The following EXOSC9 variants were observed in gnomAD, a reference collection of about 807,000 sequenced individuals.
EXOSC9 encodes exosome complex component RRP45.
In EXOSC9, 38 loss-of-function variants were observed where a neutral mutation model predicts 56.5. That is an observed-to-expected ratio of 0.67 (90% CI 0.52 to 0.88). EXOSC9 has a LOEUF of 0.88. Ranked by LOEUF, EXOSC9 falls within the 40% of genes least tolerant of loss-of-function variation. The pLI is 0.00. For synonymous variants in EXOSC9, 170 were observed against 170.8 expected (o/e 0.99, Z 0.04); for missense variants, 559 against 530.5 (o/e 1.05, Z -0.53).
chr4:121,812,478 A>G (rs1727239613), intron 8 of EXOSC9, among the ~76,000 whole-genome samples: 1 of 152,162 alleles, frequency 6.6e-6, no homozygotes, highest in African/African-American at 2.4e-5. Context: ...TTGAAAAATC[A>G]TATAAGATTT....
intron 6 of EXOSC9, 66 bp from the exon 7 acceptor site, chr4:121,809,901 C>A: frequency 6.3e-7 from 1 of 1,585,990 alleles, no homozygotes; most frequent in East Asian, 2.2e-5. Flanking sequence ...TTTAAAAATT[C>A]ATTACCCAAG....
At chr4:121,805,294 T>G (rs1217176912) in intron 5 of EXOSC9, among the ~76,000 whole-genome samples, 1 of 152,244 alleles carries the variant, frequency 6.6e-6, no homozygotes, top group African/African-American at 2.4e-5. Flanking sequence ...CTTCTAACTT[T>G]GAGTTCTTAG....
Position 121,802,945 on chromosome 4 carries a change from A to G in EXOSC9, c.312A>G (p.Arg104=). Residue 104 remains arginine, a synonymous_variant, in exon 4 of 12, where the codon CGA becomes CGG. Coordinates refer to ENST00000243498, the MANE Select transcript of EXOSC9 (RefSeq NM_005033.3). ...RQSDLLVKLN[R]LMERCLRNSK... is the part of the protein sequence containing the mutation. ...CAGATCTCTTGGTGAAGTTGAATCGACTCATGGAAAGATGTCTAAGAAATT... is the reference window on the plus strand; with the variant it reads ...CAGATCTCTTGGTGAAGTTGAATCGGCTCATGGAAAGATGTCTAAGAAATT... The G allele has an allele frequency of 6.2e-7, 1 of 1,613,932 alleles. No homozygotes were observed. Among genetic ancestry groups the G allele is most frequent in the Non-Finnish European group, 8.5e-7 (1 of 1,179,936 alleles).
At position 121,802,705 on chromosome 4, in the gene EXOSC9, T is replaced by C. The variant is rs541223974; in HGVS notation, c.193T>C (p.Ser65Pro). The part of the protein sequence containing the change: ...VLGQVSCELV[S>P]PKLNRATEGI... Reference sequence around the variant, plus strand: ...TGGACAGGTTTCCTGTGAACTTGTGTCTCCAAAACTCAATCGGGCAACAGA... The same window carrying C: ...TGGACAGGTTTCCTGTGAACTTGTGCCTCCAAAACTCAATCGGGCAACAGA... Residue 65 changes from serine (S) to proline (P), a missense_variant, in exon 3 of 12, where the codon TCT becomes CCT. Transcript: ENST00000243498. 1.9e-6 allele frequency: 3 copies of C among 1,614,086 alleles called. No individual in the cohort carries two copies. In the South Asian group the frequency reaches 3.3e-5, roughly 18 times the overall value.
Position 121,810,023 on chromosome 4 carries a change from T to C in EXOSC9, c.662T>C (p.Leu221Pro). ...GAAGAACGTGTGATGGATGGCTTGC[T>C]GGTGATTGCCATGAACAAACATCGA... Reference protein sequence around the residue: ...EREERVMDGLLVIAMNKHREI... With the variant: ...EREERVMDGLPVIAMNKHREI... Residue 221 changes from leucine to proline, a missense_variant, in exon 7 of 12, where the codon CTG becomes CCG. By Grantham distance (98) the Leu-to-Pro change is moderately conservative. Coordinates refer to ENST00000243498, the MANE Select transcript of EXOSC9 (RefSeq NM_005033.3). 1 of 1,613,896 alleles carries C rather than the reference T, an allele frequency of 6.2e-7. No individual in the cohort carries two copies. Among genetic ancestry groups the C allele is most frequent in the South Asian group, 1.1e-5 (1 of 91,088 alleles).
intron 2 of EXOSC9, among the ~76,000 whole-genome samples, chr4:121,802,129 CAT>C (rs1478613808): frequency 6.6e-6 from 1 of 152,184 alleles, no homozygotes; most frequent in East Asian, 1.9e-4. Context: ...TCACGTATCA[CAT>C]AGTTCTTTTC....
chr4:121,813,742 T>C, intron 9 of EXOSC9, 124 bp from the exon 10 acceptor site: 2 of 690,884 alleles, frequency 2.9e-6, no homozygotes, highest in Non-Finnish European at 4.7e-6. Flanking sequence ...ATATTAAGTT[T>C]TTTTTCCCCT....
Position 121,802,710 on chromosome 4 carries a change from A to G in EXOSC9, c.198A>G (p.Pro66=), listed in dbSNP as rs760256416. The part of the protein sequence containing the change: ...LGQVSCELVS[P]KLNRATEGIL... The stretch of plus-strand genomic sequence containing the variant: ...AGGTTTCCTGTGAACTTGTGTCTCC[A>G]AAACTCAATCGGGCAACAGAAGGTA... Residue 66 remains proline (P), a synonymous_variant, in exon 3 of 12, where the codon CCA becomes CCG. Coordinates refer to ENST00000243498, the MANE Select transcript of EXOSC9 (RefSeq NM_005033.3). 107 of 1,614,034 alleles carry G rather than the reference A, an allele frequency of 6.6e-5. No homozygotes were observed. The highest frequency in any genetic ancestry group is 7.7e-5 in the Non-Finnish European group (91 of 1,180,008).
intron 7 of EXOSC9, among the ~76,000 whole-genome samples, chr4:121,811,265 T>G (rs61434837): frequency 0.13 from 19,566 of 152,248 alleles, 3,439 homozygotes; most frequent in African/African-American, 0.4. Flanking sequence ...TTTACCAGCA[T>G]CACAAGTACT....
At chr4:121,801,563 C>T (rs758000493) in intron 1 of EXOSC9, 73 bp downstream of exon 1, 24 of 1,400,294 alleles carry the variant, frequency 1.7e-5, no homozygotes, top group Non-Finnish European at 2.3e-5. Context: ...GATACCTGGC[C>T]CGCCTGGGCC....
intron 9 of EXOSC9, 38 bp downstream of exon 9, chr4:121,813,418 A>G (rs374484358): frequency 2.7e-5 from 42 of 1,579,276 alleles, no homozygotes; most frequent in African/African-American, 1.4e-4. Flanking sequence ...AACAAGATTC[A>G]TAACACTTGG....
At chr4:121,803,732 G>A (rs565441134) in intron 4 of EXOSC9, among the ~76,000 whole-genome samples, 121 of 152,152 alleles carry the variant, frequency 8.0e-4, no homozygotes, top group African/African-American at 2.4e-3. Flanking sequence ...TAGAGATGGG[G>A]TTTCACCAGC....
chr4:121,816,128 C>T (rs1320122386), intron 10 of EXOSC9: 1 of 635,260 alleles, frequency 1.6e-6, no homozygotes, highest in Non-Finnish European at 2.7e-6. Flanking sequence ...GCTAATTTTT[C>T]TATTATTTTT....
At chr4:121,804,439 A>C in intron 4 of EXOSC9, 183 bp from the exon 5 acceptor site, 2 of 470,128 alleles carry the variant, frequency 4.3e-6, no homozygotes, top group Middle Eastern at 1.1e-3. Flanking sequence ...TAAACGACCC[A>C]CATAGTATTT....
Position 121,810,095 on chromosome 4 carries a change from A to C in EXOSC9, c.734A>C (p.Asp245Ala). Reference sequence around the variant, plus strand: ...AGTGGTGGGATAATGCTACTAAAAGATCAAGTTAGTGCTTTGATTAATGTC... The same window carrying C: ...AGTGGTGGGATAATGCTACTAAAAGCTCAAGTTAGTGCTTTGATTAATGTC... ...QSSGGIMLLK[D>A]QVLRCSKIAG... The change falls in exon 7 of 12, where the codon GAT (aspartate) becomes GCT (alanine). Residue 245 changes from aspartate (D) to alanine (A), a missense_variant. By Grantham distance (126) the Asp-to-Ala change is moderately radical. Coordinates refer to ENST00000243498, the MANE Select transcript of EXOSC9 (RefSeq NM_005033.3). The C allele has an allele frequency of 1.9e-6, 3 of 1,613,276 alleles. No individual in the cohort carries two copies. The highest frequency in any genetic ancestry group is 2.5e-6 in the Non-Finnish European group (3 of 1,179,338).
At chr4:121,815,744 A>T in intron 10 of EXOSC9, 17 of 990,340 alleles carry the variant, frequency 1.7e-5, no homozygotes, top group Non-Finnish European at 2.0e-5. Flanking sequence ...CTTGGAATGT[A>T]AACTGGAACT....
chr4:121,809,853 C>T, intron 6 of EXOSC9, 114 bp from the exon 7 acceptor site: 3 of 1,224,978 alleles, frequency 2.4e-6, no homozygotes, highest in South Asian at 1.2e-5. Flanking sequence ...TCCGTAGGCT[C>T]AGACCTTTAT....
chr4:121,816,380 A>G lies in EXOSC9; in HGVS notation c.1168A>G (p.Ile390Val), dbSNP rs1158891193. The change falls in exon 11 of 12, where the codon ATA (isoleucine) becomes GTA (valine). Residue 390 changes from isoleucine to valine, a missense_variant. Coordinates refer to ENST00000243498, the MANE Select transcript of EXOSC9 (RefSeq NM_005033.3). ...SDIGSQDAPIILSDSEEEEMI... is the reference protein window; with the variant it reads ...SDIGSQDAPIVLSDSEEEEMI... The stretch of plus-strand genomic sequence containing the variant: ...ATAAAAAAACAAAGATGCTCCCATA[A>G]TACTCTCAGATAGTGAAGAAGAAGA... The G allele has an allele frequency of 1.9e-6, 3 of 1,542,104 alleles. No homozygotes were observed. Among genetic ancestry groups the G allele is most frequent in the East Asian group, 2.3e-5 (1 of 43,380 alleles).
chr4:121,803,434 T>G (rs1167643237), intron 4 of EXOSC9, among the ~76,000 whole-genome samples: 1 of 152,190 alleles, frequency 6.6e-6, no homozygotes, highest in Non-Finnish European at 1.5e-5. Context: ...TTGGATAGGT[T>G]TATCGATTTA....
Sources: gnomAD v4.1 joint callset for allele counts (sites outside exome capture counted in the v4.1 genomes callset) on GRCh38, gnomAD v4.1.1 for gene constraint, MANE v1.5 for transcripts, NCBI Gene and HGNC (gene_info 2026-07-23, HGNC 2026-07-21) for gene names.